The following SIPA1L3 variants were observed in gnomAD, a reference collection of about 807,000 sequenced individuals.
SIPA1L3 encodes signal induced proliferation associated 1 like 3.
Under a neutral mutation model 150.1 loss-of-function variants are expected in SIPA1L3, and 59 were observed. The ratio of observed to expected loss-of-function variants is 0.39; its 90% confidence interval spans 0.32 to 0.49. SIPA1L3 has a LOEUF of 0.49. SIPA1L3 is among the 20% of genes least tolerant of loss of function. The pLI is 0.86. For synonymous variants in SIPA1L3, 1,070 were observed against 1,077.6 expected, an observed-to-expected ratio of 0.99 and a Z score of 0.14; for missense variants, 2,211 against 2,489.5, an observed-to-expected ratio of 0.89 and a Z score of 2.38.
intron 1 of SIPA1L3, among the ~76,000 whole-genome samples, chr19:37,967,840 G>T (rs562008442): frequency 6.6e-6 from 1 of 152,156 alleles, no homozygotes; most frequent in South Asian, 2.1e-4. Flanking sequence ...TGTATTTTTG[G>T]TAGAGATGGG....
intron 2 of SIPA1L3, among the ~76,000 whole-genome samples, chr19:38,077,866 T>C (rs1033437068): frequency 6.6e-6 from 1 of 151,964 alleles, no homozygotes; most frequent in African/African-American, 2.4e-5. Context: ...AGACGGGGTT[T>C]CACCATGTTA....
intron 8 of SIPA1L3, among the ~76,000 whole-genome samples, chr19:38,118,754 G>A (rs1316456672): frequency 1.3e-4 from 20 of 151,968 alleles, no homozygotes; most frequent in Admixed American, 1.2e-3. Flanking sequence ...GGCTGGTCTC[G>A]AACTCCTGAC....
chr19:38,186,788 C>T (rs868414942), intron 16 of SIPA1L3, among the ~76,000 whole-genome samples: 9 of 146,442 alleles, frequency 6.1e-5, no homozygotes, highest in Admixed American at 2.0e-4. Context: ...GTCAGGAGTT[C>T]GAGACCAGCC....
chr19:37,961,103 A>C (rs2046854705), intron 1 of SIPA1L3, among the ~76,000 whole-genome samples: 1 of 151,582 alleles, frequency 6.6e-6, no homozygotes, highest in Admixed American at 6.6e-5. Flanking sequence ...TCCTGGCCTC[A>C]AGTGATCCAC....
chr19:38,139,353 G>A (rs1360752960), intron 10 of SIPA1L3, among the ~76,000 whole-genome samples: 1 of 152,180 alleles, frequency 6.6e-6, no homozygotes, highest in Non-Finnish European at 1.5e-5. Context: ...AGGAAGTGGG[G>A]TCAGCCCCAC....
At chr19:38,002,317 ATATTT>A (rs1381406877) in intron 1 of SIPA1L3, among the ~76,000 whole-genome samples, 1 of 152,184 alleles carries the variant, frequency 6.6e-6, no homozygotes, top group East Asian at 1.9e-4. Flanking sequence ...TGTGGCTGGC[ATATTT>A]TATTTAGTAT....
chr19:38,163,500 A>C (rs1185005714), intron 14 of SIPA1L3, among the ~76,000 whole-genome samples: 1 of 151,600 alleles, frequency 6.6e-6, no homozygotes, highest in Non-Finnish European at 1.5e-5. Context: ...AAAAAAAAAA[A>C]AAAAAAAAAA....
At chr19:38,000,525 A>G (rs1967758228) in intron 1 of SIPA1L3, among the ~76,000 whole-genome samples, 1 of 150,530 alleles carries the variant, frequency 6.6e-6, no homozygotes, top group Non-Finnish European at 1.5e-5. Context: ...ATAGTGGTTC[A>G]GATGGAAGCA....
intron 2 of SIPA1L3, among the ~76,000 whole-genome samples, chr19:38,032,726 C>A (rs1297983927): frequency 6.6e-6 from 1 of 152,032 alleles, no homozygotes; most frequent in Non-Finnish European, 1.5e-5. Context: ...TGGTGGCACA[C>A]ACCTGTAATC....
intron 1 of SIPA1L3, among the ~76,000 whole-genome samples, chr19:37,912,910 G>A (rs1037148167): frequency 6.6e-6 from 1 of 152,216 alleles, no homozygotes; most frequent in Non-Finnish European, 1.5e-5. Flanking sequence ...AAAGAAGGGA[G>A]GAGATTTGCC....
chr19:38,041,468 G>A (rs553167685), intron 2 of SIPA1L3, among the ~76,000 whole-genome samples: 2 of 151,868 alleles, frequency 1.3e-5, no homozygotes, highest in Admixed American at 6.6e-5. Context: ...TAGTAGAGAT[G>A]TGGTTTCACC....
intron 1 of SIPA1L3, among the ~76,000 whole-genome samples, chr19:37,927,755 C>T (rs550206389): frequency 1.1e-3 from 172 of 151,130 alleles, no homozygotes; most frequent in Non-Finnish European, 1.7e-3. Flanking sequence ...TGTACGTGTA[C>T]GCAATGTTTA....
intron 1 of SIPA1L3, among the ~76,000 whole-genome samples, chr19:38,022,968 C>G (rs865921301): frequency 1.1e-4 from 16 of 152,338 alleles, no homozygotes; most frequent in African/African-American, 3.6e-4. Flanking sequence ...TTTCCACCCC[C>G]ACCCGCAGTG....
Position 38,046,920 on chromosome 19 carries a change from GC to G in SIPA1L3, c.-311+17765del, listed in dbSNP as rs1322576461. 6.6e-6 allele frequency among the ~76,000 whole-genome samples: 1 copy of G among 152,230 alleles called. No individual in the cohort carries two copies. Among genetic ancestry groups the G allele is most frequent in the African/African-American group, 2.4e-5 (1 of 41,460 alleles). ...AAAACCCACATGGCTTGTAGCTGTG[GC>G]TGCCTAACAGCACCACCTGGGTGGT... is the stretch of plus-strand genomic sequence containing the variant. On this transcript the variant is annotated intron_variant, in intron 2 of 21. Transcript: ENST00000222345. The surrounding 1 kb of genome is among the most constrained non-coding windows in gnomAD (Gnocchi z 5.6).
intron 15 of SIPA1L3, among the ~76,000 whole-genome samples, chr19:38,178,839 G>A (rs1972500893): frequency 6.6e-6 from 1 of 152,096 alleles, no homozygotes; most frequent in Non-Finnish European, 1.5e-5. Flanking sequence ...CTTGTCTCCT[G>A]GGGAAAGCAT....
intron 8 of SIPA1L3, among the ~76,000 whole-genome samples, chr19:38,117,910 C>A (rs540698676): frequency 6.6e-6 from 1 of 152,092 alleles, no homozygotes; most frequent in Non-Finnish European, 1.5e-5. Flanking sequence ...CTCAGCCTCC[C>A]GAGTAGCTGG....
chr19:37,943,394 G>A (rs1258804186), intron 1 of SIPA1L3, among the ~76,000 whole-genome samples: 1 of 152,070 alleles, frequency 6.6e-6, no homozygotes, highest in African/African-American at 2.4e-5. Context: ...TTAATTCATG[G>A]TATTGACACA....
chr19:38,046,422 G>A lies in SIPA1L3; in HGVS notation c.-311+17266G>A, dbSNP rs1969058561. 6.6e-6 allele frequency among the ~76,000 whole-genome samples: 1 copy of A among 152,174 alleles called. No individual in the cohort carries two copies. The highest frequency in any genetic ancestry group is 1.5e-5 in the Non-Finnish European group (1 of 68,024). ...TGACAGCACAAAGCTTCAAGGTCGG[G>A]GGCCGTGGGGTGGTGGTGGAGTCTT... On this transcript the variant is annotated intron_variant, in intron 2 of 21. Coordinates refer to ENST00000222345, the MANE Select transcript of SIPA1L3 (RefSeq NM_015073.3). The surrounding 1 kb of genome is among the most constrained non-coding windows in gnomAD (Gnocchi z 5.6).
intron 14 of SIPA1L3, among the ~76,000 whole-genome samples, chr19:38,163,332 A>G (rs1010169619): frequency 6.6e-6 from 1 of 152,142 alleles, no homozygotes; most frequent in African/African-American, 2.4e-5. Context: ...TCTACTAAAA[A>G]TACAAAAATT....
Sources: gnomAD v4.1 joint callset for allele counts (sites outside exome capture counted in the v4.1 genomes callset) on GRCh38, gnomAD v4.1.1 for gene constraint, Gnocchi (gnomAD v3.1) non-coding constraint, MANE v1.5 for transcripts, NCBI Gene and HGNC (gene_info 2026-07-23, HGNC 2026-07-21) for gene names.